REDIC1: variants seen among roughly 807,000 people sequenced by gnomAD.
REDIC1 encodes regulator of DNA class I crossover intermediates 1.
chr12:39,765,200 T>C, the REDIC1 span, among the ~76,000 whole-genome samples: 1 of 152,188 alleles, frequency 6.6e-6, no homozygotes, highest in East Asian at 1.9e-4. Context: ...TTTGCAATCA[T>C]GACAAGATTC....
At chr12:39,898,228 C>T in the REDIC1 span, among the ~76,000 whole-genome samples, 1 of 152,088 alleles carries the variant, frequency 6.6e-6, no homozygotes, top group African/African-American at 2.4e-5. Context: ...ACTATAGATA[C>T]CTATTATCAA....
At chr12:39,751,071 TTAAAC>T in the REDIC1 span, among the ~76,000 whole-genome samples, 2 of 152,164 alleles carry the variant, frequency 1.3e-5, no homozygotes, top group African/African-American at 2.4e-5. Flanking sequence ...TGGGATCTAA[TTAAAC>T]TAAAGAGCTT....
the REDIC1 span, chr12:39,650,102 A>G: frequency 1.1e-6 from 1 of 949,378 alleles, no homozygotes. The surrounding 1 kb of genome is among the most constrained non-coding windows in gnomAD (Gnocchi z 4.3). Context: ...AAGTAGTAAA[A>G]TTACTTTATT....
chr12:39,757,429 C>G, the REDIC1 span: 6 of 151,194 alleles, frequency 4.0e-5, no homozygotes, highest in Admixed American at 3.3e-4. Flanking sequence ...TTAAAAGGTG[C>G]CTAATATAAA....
the REDIC1 span, among the ~76,000 whole-genome samples, chr12:39,812,483 C>G: frequency 6.7e-6 from 1 of 148,674 alleles, no homozygotes; most frequent in African/African-American, 2.5e-5. Flanking sequence ...CCCCTTCTCT[C>G]TTTTTGTGAG....
At chr12:39,891,024 A>G in the REDIC1 span, among the ~76,000 whole-genome samples, 4 of 152,128 alleles carry the variant, frequency 2.6e-5, no homozygotes, top group Admixed American at 2.6e-4. Context: ...TCATATTTAA[A>G]CAATGAATCT....
the REDIC1 span, among the ~76,000 whole-genome samples, chr12:39,886,447 T>G: frequency 1.3e-5 from 2 of 152,138 alleles, no homozygotes; most frequent in African/African-American, 4.8e-5. Flanking sequence ...ATATGAAGTG[T>G]GATCTGAAGA....
the REDIC1 span, among the ~76,000 whole-genome samples, chr12:39,734,118 T>G: frequency 6.6e-6 from 1 of 152,176 alleles, no homozygotes; most frequent in Non-Finnish European, 1.5e-5. Context: ...AATGCACAGT[T>G]CCTCACTGCA....
the REDIC1 span, among the ~76,000 whole-genome samples, chr12:39,629,260 T>C: frequency 1.3e-5 from 2 of 152,222 alleles, no homozygotes; most frequent in East Asian, 1.9e-4. Context: ...ATTAAGGAAC[T>C]TGAAAAATGT....
the REDIC1 span, among the ~76,000 whole-genome samples, chr12:39,839,803 C>T: frequency 2.6e-5 from 4 of 152,072 alleles, no homozygotes; most frequent in Non-Finnish European, 5.9e-5. Flanking sequence ...TCTCTAAGTG[C>T]CAGAACTACA....
chr12:39,772,291 A>G, the REDIC1 span, among the ~76,000 whole-genome samples: 1 of 152,140 alleles, frequency 6.6e-6, no homozygotes, highest in East Asian at 1.9e-4. Flanking sequence ...TCTGTGTCTC[A>G]ATTTTCTTGT....
the REDIC1 span, among the ~76,000 whole-genome samples, chr12:39,764,262 T>C: frequency 6.6e-6 from 1 of 152,138 alleles, no homozygotes; most frequent in Admixed American, 6.6e-5. Context: ...CAAGAAGCAG[T>C]GCTGTTTAGG....
At chr12:39,818,501 T>C in the REDIC1 span, among the ~76,000 whole-genome samples, 1 of 152,212 alleles carries the variant, frequency 6.6e-6, no homozygotes, top group Non-Finnish European at 1.5e-5. Context: ...CTTCTTTGTT[T>C]AACTCTAACT....
chr12:39,799,185 T>G, the REDIC1 span, among the ~76,000 whole-genome samples: 1 of 150,840 alleles, frequency 6.6e-6, no homozygotes, highest in East Asian at 2.0e-4. Context: ...CAGGTTCAAG[T>G]GATTCTCCTA....
chr12:39,714,094 C>CATATGTATAT, the REDIC1 span, among the ~76,000 whole-genome samples: 1 of 55,262 alleles, frequency 1.8e-5, no homozygotes, highest in Non-Finnish European at 4.0e-5. Flanking sequence ...CATATATGTA[C>CATATGTATAT]ATGTATATAC....
At chr12:39,743,762 C>T in the REDIC1 span, among the ~76,000 whole-genome samples, 2 of 151,898 alleles carry the variant, frequency 1.3e-5, no homozygotes, top group African/African-American at 4.8e-5. Flanking sequence ...GAGGGTATGT[C>T]AATAGAAACT....
the REDIC1 span, among the ~76,000 whole-genome samples, chr12:39,779,401 TC>T: frequency 2.0e-5 from 3 of 152,152 alleles, no homozygotes; most frequent in African/African-American, 7.2e-5. Context: ...TTCTTCTATT[TC>T]CCTGGGTTTT....
chr12:39,771,633 C>T, the REDIC1 span, among the ~76,000 whole-genome samples: 1 of 152,106 alleles, frequency 6.6e-6, no homozygotes, highest in Middle Eastern at 3.2e-3. Context: ...ATTCCTGACC[C>T]ACAGGAAGTG....
At chr12:39,798,584 T>C in the REDIC1 span, among the ~76,000 whole-genome samples, 2 of 152,200 alleles carry the variant, frequency 1.3e-5, no homozygotes, top group Non-Finnish European at 2.9e-5. Context: ...GTAAAGCAAG[T>C]GCTTCTGTCC....
Sources: gnomAD v4.1 joint callset for allele counts (sites outside exome capture counted in the v4.1 genomes callset) on GRCh38, gnomAD v4.1.1 for gene constraint, Gnocchi (gnomAD v3.1) non-coding constraint, MANE v1.5 for transcripts, NCBI Gene and HGNC (gene_info 2026-07-23, HGNC 2026-07-21) for gene names.